The following LRRC4C variants were observed in gnomAD, a reference collection of about 807,000 sequenced individuals.
The protein encoded by LRRC4C is leucine-rich repeat-containing protein 4C.
In LRRC4C, 5 loss-of-function variants were observed where a neutral mutation model predicts 33.6. That is an observed-to-expected ratio of 0.15 (90% confidence interval 0.08 to 0.31). LRRC4C has a LOEUF of 0.31. Among genes scored for constraint, LRRC4C ranks in the 10% least tolerant of loss-of-function variants. LRRC4C has a pLI of 1.00. For synonymous variants in LRRC4C, 329 were observed against 302.0 expected (o/e 1.09, Z -0.93); for missense variants, 560 against 796.7 (o/e 0.70, Z 3.58).
intron 1 of LRRC4C, among the ~76,000 whole-genome samples, chr11:41,030,028 C>T (rs1290077742): frequency 6.6e-6 from 1 of 151,726 alleles, no homozygotes; most frequent in Non-Finnish European, 1.5e-5. Flanking sequence ...GAACAAACTT[C>T]AAAAGGAAAA....
chr11:40,497,188 G>A (rs780064924), intron 3 of LRRC4C, among the ~76,000 whole-genome samples: 3 of 152,014 alleles, frequency 2.0e-5, no homozygotes, highest in Non-Finnish European at 2.9e-5. Flanking sequence ...GGCGGATCAC[G>A]AAGTCAGGAG....
chr11:40,675,897 T>C (rs537936275), intron 2 of LRRC4C, among the ~76,000 whole-genome samples: 1 of 152,304 alleles, frequency 6.6e-6, no homozygotes, highest in South Asian at 2.1e-4. Flanking sequence ...ACTCCCACTG[T>C]TCATGTGAAC....
chr11:41,255,237 C>A (rs1035388100), intron 1 of LRRC4C, among the ~76,000 whole-genome samples: 3 of 151,962 alleles, frequency 2.0e-5, no homozygotes, highest in African/African-American at 7.2e-5. Context: ...GAATTATATT[C>A]CTCAAGTTGT....
intron 4 of LRRC4C, among the ~76,000 whole-genome samples, chr11:40,246,938 A>G (rs1030361398): frequency 5.3e-5 from 8 of 152,178 alleles, no homozygotes; most frequent in Non-Finnish European, 1.2e-4. Context: ...AAACACACCA[A>G]CAAAGAGAAA....
At chr11:41,380,197 A>C (rs1375117714) in intron 1 of LRRC4C, among the ~76,000 whole-genome samples, 1 of 152,154 alleles carries the variant, frequency 6.6e-6, no homozygotes, top group African/African-American at 2.4e-5. Flanking sequence ...GGTATTTTCA[A>C]TTGTGTTGCC....
chr11:41,397,811 G>C lies in LRRC4C; in HGVS notation c.-496+61620C>G, dbSNP rs976445477. ...TTGAATACACCTTATCTCTAGAGAG[G>C]TAGTGATATGTTCATGGCAAGGTAG... is the stretch of plus-strand genomic sequence containing the variant. On this transcript the variant is annotated intron_variant, in intron 1 of 6. Transcript: ENST00000528697. Among the ~76,000 whole-genome samples the C allele has an allele frequency of 2.0e-5, 3 of 151,882 alleles. No individual in the cohort carries two copies. The East Asian group carries it at 5.8e-4, about 30-fold the overall frequency.
intron 1 of LRRC4C, among the ~76,000 whole-genome samples, chr11:40,974,374 C>T (rs914596885): frequency 1.3e-5 from 2 of 152,126 alleles, no homozygotes; most frequent in Non-Finnish European, 2.9e-5. Context: ...CTGGCTGATG[C>T]ACCTTAACAT....
intron 2 of LRRC4C, among the ~76,000 whole-genome samples, chr11:40,821,976 C>T (rs1363965102): frequency 6.6e-6 from 1 of 151,774 alleles, no homozygotes; most frequent in Non-Finnish European, 1.5e-5. Context: ...ATAAGGATAT[C>T]TATCCCCTTA....
intron 1 of LRRC4C, among the ~76,000 whole-genome samples, chr11:41,363,203 C>G (rs1376511582): frequency 3.3e-5 from 5 of 152,212 alleles, no homozygotes; most frequent in African/African-American, 7.2e-5. Flanking sequence ...ATTTCTCCCT[C>G]TCATTGCCTC....
chr11:40,517,459 T>G (rs1955609640), intron 3 of LRRC4C, among the ~76,000 whole-genome samples: 1 of 152,146 alleles, frequency 6.6e-6, no homozygotes, highest in Admixed American at 6.6e-5. Flanking sequence ...ACAAGGCTAA[T>G]TACACATCTG....
intron 4 of LRRC4C, among the ~76,000 whole-genome samples, chr11:40,269,152 C>G (rs1002919057): frequency 6.6e-6 from 1 of 152,150 alleles, no homozygotes; most frequent in African/African-American, 2.4e-5. Context: ...CCCAGCTGTA[C>G]TCCTCATGCT....
intron 2 of LRRC4C, among the ~76,000 whole-genome samples, chr11:40,851,927 G>T (rs1020971939): frequency 6.6e-6 from 1 of 152,022 alleles, no homozygotes; most frequent in African/African-American, 2.4e-5. Flanking sequence ...AGTATTTTCT[G>T]TTCCCTGCTA....
chr11:40,938,862 T>C (rs1052227126), intron 1 of LRRC4C, among the ~76,000 whole-genome samples: 20 of 152,190 alleles, frequency 1.3e-4, no homozygotes, highest in Non-Finnish European at 7.3e-5. Flanking sequence ...TGGTTCTGTC[T>C]TGCAAATGCA....
intron 1 of LRRC4C, among the ~76,000 whole-genome samples, chr11:41,263,707 G>A (rs373244044): frequency 6.6e-6 from 1 of 152,016 alleles, no homozygotes. Flanking sequence ...CAGGTCATTC[G>A]GGTAACAGTC....
At chr11:41,115,491 T>C (rs1404214668) in intron 1 of LRRC4C, among the ~76,000 whole-genome samples, 2 of 152,052 alleles carry the variant, frequency 1.3e-5, no homozygotes, top group Non-Finnish European at 2.9e-5. Flanking sequence ...TTGCTATTCA[T>C]TCTTTTCTGC....
At chr11:41,219,885 A>G (rs1251731566) in intron 1 of LRRC4C, among the ~76,000 whole-genome samples, 1 of 152,230 alleles carries the variant, frequency 6.6e-6, no homozygotes, top group Non-Finnish European at 1.5e-5. Flanking sequence ...AAGCCTGAGC[A>G]TTCTCAGAAT....
At chr11:40,759,393 C>A (rs1242416783) in intron 2 of LRRC4C, among the ~76,000 whole-genome samples, 2 of 151,300 alleles carry the variant, frequency 1.3e-5, no homozygotes, top group African/African-American at 4.9e-5. Flanking sequence ...TAAAAATTTT[C>A]AATCCAAGAT....
intron 3 of LRRC4C, among the ~76,000 whole-genome samples, chr11:40,559,987 C>T (rs1957484862): frequency 6.6e-6 from 1 of 152,094 alleles, no homozygotes; most frequent in African/African-American, 2.4e-5. Context: ...GAAATTATCT[C>T]CTGAGTGTCT....
chr11:40,674,035 C>G (rs1391079664), intron 2 of LRRC4C, among the ~76,000 whole-genome samples: 2 of 152,196 alleles, frequency 1.3e-5, no homozygotes, highest in Non-Finnish European at 2.9e-5. Flanking sequence ...GGCATTACCC[C>G]AGCATATCTC....
Sources: allele counts gnomAD v4.1 joint callset (sites outside exome capture counted in the v4.1 genomes callset), GRCh38; gene constraint gnomAD v4.1.1; transcripts MANE v1.5; gene names NCBI Gene and HGNC (gene_info 2026-07-23, HGNC 2026-07-21).